Variants in CACNA1A observed in about 807,000 individuals in gnomAD.
CACNA1A encodes calcium voltage-gated channel subunit alpha1 A.
In CACNA1A, 57 loss-of-function variants were observed where a neutral mutation model predicts 262.4. The ratio of observed to expected loss-of-function variants is 0.22; its 90% CI spans 0.18 to 0.27. The LOEUF (loss-of-function observed/expected upper bound fraction) is 0.27, where lower values mean the gene tolerates loss of function less well. Ranked by LOEUF, CACNA1A falls within the 10% of genes least tolerant of loss-of-function variation. The pLI, the probability that CACNA1A is intolerant of heterozygous loss-of-function variation, is 1.00. For missense variants in CACNA1A, 2,526 were observed against 3,562.8 expected (o/e 0.71, Z 7.41); for synonymous variants, 1,431 against 1,419.3 (o/e 1.01, Z -0.18).
Position 13,506,466 on chromosome 19 carries a change from G to A in CACNA1A, c.-242C>T, listed in dbSNP as rs1983060281. 6 of 356,632 alleles carry A rather than the reference G, an allele frequency of 1.7e-5. No homozygotes were observed. In the East Asian group the frequency reaches 2.5e-4, roughly 15 times the overall value. 22.1% of individuals were successfully genotyped at this position (356,632 alleles called of 1,614,324 possible). A position where few individuals can be genotyped will look rare whatever the true frequency, so the allele number is the denominator to read the frequency against. On this transcript the variant is annotated 5_prime_UTR_variant, in exon 1 of 47. Coordinates refer to ENST00000360228, the MANE Select transcript of CACNA1A (RefSeq NM_001127222.2). Reference sequence around the variant, plus strand: ...GGATAGCAGCTCGGGACATCTTCCTGGCTGACCCCGGAGAAGGAGGGGCGG... The same window carrying A: ...GGATAGCAGCTCGGGACATCTTCCTAGCTGACCCCGGAGAAGGAGGGGCGG...
Position 13,359,781 on chromosome 19 carries a change from G to A in CACNA1A, c.803C>T (p.Ser268Phe). 1.3e-6 allele frequency: 2 copies of A among 1,532,692 alleles called. No homozygotes were observed. Among genetic ancestry groups the A allele is most frequent in the Non-Finnish European group, 8.8e-7 (1 of 1,135,050 alleles). 94.9% of individuals were successfully genotyped at this position (1,532,692 alleles called of 1,614,324 possible). Reference protein sequence around the residue: ...EEGTDDIQGESPAPCGTEEPA... With the variant: ...EEGTDDIQGEFPAPCGTEEPA... ...CTCTTCTGTCCCACATGGAGCCGGA[G>A]ACTCACCCTGAATGTCATCTACAAA... Residue 268 changes from serine to phenylalanine, a missense_variant, in exon 6 of 47, where the codon TCT (serine) becomes TTT (phenylalanine). Ser to Phe is a radical substitution (Grantham distance 155, BLOSUM62 -2). Transcript: ENST00000360228.
chr19:13,286,588 T>C lies in CACNA1A; in HGVS notation c.3468A>G (p.Ser1156=). ...GGTCGGGTTTCCTGGCAGTCTTAGCTGAATTGGTCTGGGTGCCGCTGGGGT... is the reference window on the plus strand; with the variant it reads ...GGTCGGGTTTCCTGGCAGTCTTAGCCGAATTGGTCTGGGTGCCGCTGGGGT... ...VTNPSGTQTN[S]AKTARKPDHT... Residue 1156 remains serine (S), a synonymous_variant, in exon 20 of 47, where the codon TCA becomes TCG. Coordinates refer to ENST00000360228, the MANE Select transcript of CACNA1A (RefSeq NM_001127222.2). 6.5e-7 allele frequency: 1 copy of C among 1,541,816 alleles called. No homozygotes were observed. Among genetic ancestry groups the C allele is most frequent in the Non-Finnish European group, 8.7e-7 (1 of 1,149,154 alleles).
Position 13,316,991 on chromosome 19 carries a change from G to A in CACNA1A, c.1555+121C>T, listed in dbSNP as rs2292037. On this transcript the variant is annotated intron_variant, in intron 11 of 46. Transcript: ENST00000360228. ...AGTGACAGTTATAGAAATGGCTAAA[G>A]GAAAGGGCAGATTCAATGAGGACCA... 0.26 allele frequency: 171,682 copies of A among 654,664 alleles called. 24,680 individuals are homozygous for A. Among genetic ancestry groups the A allele is most frequent in the East Asian group, 0.46 (16,797 of 36,212 alleles). The allele number at this position is 654,664 out of a possible 1,614,324, so 40.6% of individuals were successfully genotyped here.
rs189472426 is a variant in CACNA1A at position 13,245,820 on chromosome 19, T to A, written c.4867-555A>T. ...CCAAGTAGGTAGGACCACAGGTGCA[T>A]GCCACCACACCCAGCTAATTTTTGT... is the stretch of plus-strand genomic sequence containing the variant. On this transcript the variant is annotated intron_variant, in intron 30 of 46. Coordinates refer to ENST00000360228, the MANE Select transcript of CACNA1A (RefSeq NM_001127222.2). Among the ~76,000 whole-genome samples, 308 of 152,128 alleles carry A rather than the reference T, an allele frequency of 2.0e-3. 3 individuals are homozygous for A. Among genetic ancestry groups the A allele is most frequent in the African/African-American group, 7.1e-3 (294 of 41,514 alleles).
Position 13,214,803 on chromosome 19 carries a change from T to A in CACNA1A, c.5732-195A>T. On this transcript the variant is annotated intron_variant, in intron 38 of 46. Transcript: ENST00000360228. This position sits in a 1 kb window ranked among gnomAD's most constrained non-coding sequence, Gnocchi z 4.1. Reference sequence around the variant, plus strand: ...TGGAATGACCTTGTGGGCTCTGGTTTTCGGTGGGGCCAGGACCATGGAGCA... The same window carrying A: ...TGGAATGACCTTGTGGGCTCTGGTTATCGGTGGGGCCAGGACCATGGAGCA... 1.7e-6 allele frequency: 1 copy of A among 596,094 alleles called. No individual in the cohort carries two copies. The highest frequency in any genetic ancestry group is 1.9e-5 in the African/African-American group (1 of 53,840). 36.9% of individuals were successfully genotyped at this position (596,094 alleles called of 1,614,324 possible). A position where few individuals can be genotyped will look rare whatever the true frequency, so the allele number is the denominator to read the frequency against.
intron 45 of CACNA1A, 87 bp from the exon 46 acceptor site, chr19:13,209,096 T>C (rs1225570772): frequency 3.3e-6 from 5 of 1,513,488 alleles, no homozygotes; most frequent in Non-Finnish European, 2.7e-6. Context: ...ACCTGGAAGG[T>C]GTGGGGGCCC....
In CACNA1A at chr19:13,269,695, G is replaced by A. The variant is rs115574258; in HGVS notation, c.3989+6155C>T. Reference sequence around the variant, plus strand: ...CCGCCCTGATGCATGGGCACAGAGCGTGATACCACGTGTGATGGCTCATGA... The same window carrying A: ...CCGCCCTGATGCATGGGCACAGAGCATGATACCACGTGTGATGGCTCATGA... On this transcript the variant is annotated intron_variant, in intron 24 of 46. Transcript: ENST00000360228. Among the ~76,000 whole-genome samples, 150 of 152,322 alleles carry A rather than the reference G, an allele frequency of 9.8e-4. 1 individual carries two copies. The highest frequency in any genetic ancestry group is 3.4e-3 in the Middle Eastern group (1 of 294).
intron 15 of CACNA1A, chr19:13,307,136 A>T (rs79537778): frequency 0.09 from 13,583 of 151,634 alleles, 748 homozygotes; most frequent in South Asian, 0.19. Context: ...TATTATTATT[A>T]TTTTTTTGCA....
intron 5 of CACNA1A, among the ~76,000 whole-genome samples, chr19:13,360,551 C>T (rs1009785021): frequency 2.7e-5 from 4 of 149,204 alleles, no homozygotes; most frequent in Non-Finnish European, 5.9e-5. Flanking sequence ...GATCTCACCT[C>T]ACTACAATCT....
At chr19:13,398,996 C>T (rs957282611) in intron 3 of CACNA1A, among the ~76,000 whole-genome samples, 1 of 152,154 alleles carries the variant, frequency 6.6e-6, no homozygotes, top group African/African-American at 2.4e-5. Flanking sequence ...CCATGATCCT[C>T]CTGCGATCCC....
intron 1 of CACNA1A, among the ~76,000 whole-genome samples, chr19:13,487,890 T>C (rs1980225261): frequency 6.6e-6 from 1 of 151,408 alleles, no homozygotes; most frequent in Non-Finnish European, 1.5e-5. Flanking sequence ...ACTGCAGCCT[T>C]GAACTCCTGG....
At chr19:13,497,515 AAAAAAAATATATATATATATATATATAT>A (rs1981754757) in intron 1 of CACNA1A, among the ~76,000 whole-genome samples, 5 of 38,038 alleles carry the variant, frequency 1.3e-4, no homozygotes, top group African/African-American at 2.2e-4. Flanking sequence ...AAAAAAAAAA[AAAAAAAATATATATATATATATATATAT>A]ATATATATAT....
At chr19:13,230,579 C>T (rs112990279) in intron 35 of CACNA1A, among the ~76,000 whole-genome samples, 5 of 151,274 alleles carry the variant, frequency 3.3e-5, no homozygotes, top group Admixed American at 1.3e-4. Flanking sequence ...CCGAGGTGGA[C>T]AGATCACTTG....
chr19:13,473,942 C>T (rs774850482), intron 1 of CACNA1A, among the ~76,000 whole-genome samples: 11 of 152,224 alleles, frequency 7.2e-5, no homozygotes, highest in Non-Finnish European at 1.0e-4. Context: ...AAACCTCCCT[C>T]ACTTGCTCCC....
intron 27 of CACNA1A, chr19:13,258,536 T>C (rs2056633107): frequency 6.6e-6 from 1 of 152,206 alleles, no homozygotes; most frequent in South Asian, 2.1e-4. Flanking sequence ...TTGCGATGAT[T>C]TTCAGACAGA....
At chr19:13,221,161 A>G (rs1452908150) in intron 38 of CACNA1A, among the ~76,000 whole-genome samples, 1 of 143,140 alleles carries the variant, frequency 7.0e-6, no homozygotes, top group Non-Finnish European at 1.5e-5. Context: ...CATGTGTGGG[A>G]CTATCCACCT....
intron 3 of CACNA1A, among the ~76,000 whole-genome samples, chr19:13,391,570 A>G (rs948374482): frequency 6.6e-6 from 1 of 152,136 alleles, no homozygotes; most frequent in East Asian, 1.9e-4. Flanking sequence ...AAGAGACAGG[A>G]GCTCGAGAGG....
intron 22 of CACNA1A, among the ~76,000 whole-genome samples, chr19:13,281,179 G>C (rs191231999): frequency 5.9e-5 from 9 of 151,706 alleles, no homozygotes; most frequent in Admixed American, 4.6e-4. Flanking sequence ...TCAAGAGTTC[G>C]AGACCAGCCT....
chr19:13,502,320 C>G (rs576592772), intron 1 of CACNA1A, among the ~76,000 whole-genome samples: 23 of 152,148 alleles, frequency 1.5e-4, no homozygotes, highest in Non-Finnish European at 2.6e-4. Context: ...GGCAACTGTG[C>G]GTGATAATAC....
Sources: allele counts gnomAD v4.1 joint callset (sites outside exome capture counted in the v4.1 genomes callset), GRCh38; gene constraint gnomAD v4.1.1; non-coding constraint Gnocchi (gnomAD v3.1); transcripts MANE v1.5; gene names NCBI Gene and HGNC (gene_info 2026-07-23, HGNC 2026-07-21).